The following ZNF284 variants were observed in gnomAD, a reference collection of about 807,000 sequenced individuals.
ZNF284 encodes zinc finger protein 284.
A neutral mutation model predicts 12.9 loss-of-function variants in ZNF284; 12 were observed. The observed-to-expected ratio is 0.93, with a 90% CI of 0.60 to 1.51. ZNF284 has a LOEUF of 1.51. Ranked by LOEUF, ZNF284 falls within the 40% of genes most tolerant of loss-of-function variation. The pLI, the probability that ZNF284 is intolerant of heterozygous loss-of-function variation, is 0.00. For missense variants in ZNF284, 667 were observed against 707.3 expected (o/e 0.94, Z 0.65); for synonymous variants, 225 against 236.5 (o/e 0.95, Z 0.45).
intron 2 of ZNF284, among the ~76,000 whole-genome samples, chr19:44,079,222 T>C (rs1967079333): frequency 2.6e-5 from 4 of 152,248 alleles, no homozygotes; most frequent in Admixed American, 2.6e-4. Context: ...ATCAGTTCCC[T>C]GTAATAGTAT....
rs905406308 is a variant in ZNF284 at position 44,088,668 on chromosome 19, T to C, written c.*1408T>C. 1 of 152,216 alleles carries C rather than the reference T, an allele frequency of 6.6e-6. No individual in the cohort carries two copies. The highest frequency in any genetic ancestry group is 1.5e-5 in the Non-Finnish European group (1 of 68,048). The allele number at this position is 152,216 out of a possible 1,614,324, so 9.4% of individuals were successfully genotyped here. On this transcript the variant is annotated 3_prime_UTR_variant, in exon 5 of 5. Transcript: ENST00000421176. The stretch of plus-strand genomic sequence containing the variant: ...TCAGGGCTCACATCTTCAAATTCAG[T>C]GTCTGTTCTGTAGAGAAACCTTAAT...
chr19:44,084,249 G>T (rs1967189776), intron 4 of ZNF284, among the ~76,000 whole-genome samples: 1 of 152,166 alleles, frequency 6.6e-6, no homozygotes, highest in South Asian at 2.1e-4. Context: ...CTGGGTCTTT[G>T]TCAGGTCTCC....
intron 4 of ZNF284, among the ~76,000 whole-genome samples, chr19:44,084,309 G>C (rs1599880794): frequency 3.3e-5 from 5 of 152,202 alleles, no homozygotes; most frequent in Admixed American, 3.3e-4. Context: ...GCAATCCCCA[G>C]GTCCCTCTGT....
chr19:44,083,237 C>A (rs182001363), intron 4 of ZNF284, among the ~76,000 whole-genome samples: 189 of 151,750 alleles, frequency 1.2e-3, no homozygotes, highest in African/African-American at 4.4e-3. Flanking sequence ...GAGTTTGAGA[C>A]CAGCCTGGCC....
chr19:44,087,391 T>G lies in ZNF284; in HGVS notation c.*131T>G. On this transcript the variant is annotated 3_prime_UTR_variant, in exon 5 of 5. Transcript: ENST00000421176. ...TTGTGGATCATTTATCATTTCTTTGTGCTTTGAACGTTCAAAAACTGCTGT... is the reference window on the plus strand; with the variant it reads ...TTGTGGATCATTTATCATTTCTTTGGGCTTTGAACGTTCAAAAACTGCTGT... The G allele has an allele frequency of 1.2e-6, 1 of 804,478 alleles. No individual in the cohort carries two copies. Among genetic ancestry groups the G allele is most frequent in the Non-Finnish European group, 1.8e-6 (1 of 547,880 alleles). The allele number at this position is 804,478 out of a possible 1,614,324, so 49.8% of individuals were successfully genotyped here. A position where few individuals can be genotyped will look rare whatever the true frequency, so the allele number is the denominator to read the frequency against.
At chr19:44,085,632 C>A in intron 4 of ZNF284, 82 bp from the exon 5 acceptor site, 1 of 1,246,016 alleles carries the variant, frequency 8.0e-7, no homozygotes, top group South Asian at 1.5e-5. Flanking sequence ...AGTAAAGTTT[C>A]AGGCCATGTC....
At chr19:44,077,590 A>G (rs1455489653) in intron 2 of ZNF284, among the ~76,000 whole-genome samples, 1 of 146,540 alleles carries the variant, frequency 6.8e-6, no homozygotes, top group African/African-American at 2.5e-5. Flanking sequence ...TTTAGTTTCA[A>G]ATGTCCATGA....
At chr19:44,075,644 C>T (rs188763060) in intron 1 of ZNF284, among the ~76,000 whole-genome samples, 1 of 152,228 alleles carries the variant, frequency 6.6e-6, no homozygotes, top group African/African-American at 2.4e-5. Context: ...GAAGAGTTTC[C>T]ATTTCTCCCC....
chr19:44,081,273 A>G, intron 3 of ZNF284, 132 bp downstream of exon 3: 1 of 1,190,170 alleles, frequency 8.4e-7, no homozygotes, highest in Non-Finnish European at 1.1e-6. Context: ...TAAAGAAAAG[A>G]CATTTCATTG....
chr19:44,082,339 C>T (rs1967142395), intron 4 of ZNF284, among the ~76,000 whole-genome samples: 1 of 152,172 alleles, frequency 6.6e-6, no homozygotes. Flanking sequence ...CATTCCTCAG[C>T]TTAAAAGCCT....
chr19:44,085,568 C>T (rs775281802), intron 4 of ZNF284, 146 bp from the exon 5 acceptor site: 18 of 695,486 alleles, frequency 2.6e-5, no homozygotes, highest in Non-Finnish European at 4.1e-5. Flanking sequence ...GGTTTCGTGA[C>T]AACGAGAGAC....
chr19:44,087,164 TGGA>T lies in ZNF284; in HGVS notation c.1688_1690del (p.Gly563del), dbSNP rs1967273533. On this transcript the variant is annotated inframe_deletion, in exon 5 of 5. Transcript: ENST00000421176. ...TTCAAGACCAACAAAGCGACCACAGTGGAGAAAAAACATCCAAATGTGAGGACT... is the reference window on the plus strand; with the variant it reads ...TTCAAGACCAACAAAGCGACCACAGTGAAAAAACATCCAAATGTGAGGACT... 1 of 1,613,978 alleles carries T rather than the reference TGGA, an allele frequency of 6.2e-7. No homozygotes were observed. The highest frequency in any genetic ancestry group is 1.3e-5 in the African/African-American group (1 of 75,018).
chr19:44,081,707 G>A (rs1310615956), intron 3 of ZNF284, among the ~76,000 whole-genome samples: 2 of 150,974 alleles, frequency 1.3e-5, no homozygotes, highest in East Asian at 1.9e-4. Context: ...GCGAGACTCC[G>A]TCTCAAAAAA....
rs1967269729 is a variant in ZNF284 at position 44,087,066 on chromosome 19, CAA to C, written c.1590_1591del (p.Arg531ThrfsTer11). On this transcript the variant is annotated frameshift_variant, in exon 5 of 5. Coordinates refer to ENST00000421176, the MANE Select transcript of ZNF284 (RefSeq NM_001037813.4). LOFTEE classifies it low-confidence loss of function (END_TRUNC). ...FRWASTHLTH[Q>X]RLHSREKLFQ... ...ATGGGCCTCAACTCATCTAACCCAT[CAA>C]AGACTCCACAGCAGAGAAAAACTAT... 6.2e-7 allele frequency: 1 copy of C among 1,613,920 alleles called. No homozygotes were observed. The highest frequency in any genetic ancestry group is 8.5e-7 in the Non-Finnish European group (1 of 1,180,002).
intron 1 of ZNF284, among the ~76,000 whole-genome samples, chr19:44,076,089 A>G (rs1348910205): frequency 1.3e-5 from 2 of 152,130 alleles, no homozygotes; most frequent in African/African-American, 4.8e-5. Flanking sequence ...GCATGAGTCA[A>G]TATTTCATTT....
rs559825314 is a variant in ZNF284 at position 44,083,886 on chromosome 19, G to A, written c.235+1781G>A. ...AGTGTCAGCGGTGATGGTGGCAGCA[G>A]GCTTGTAGGACCTGTCCTCAGGTCA... On this transcript the variant is annotated intron_variant, in intron 4 of 4. Transcript: ENST00000421176. Among the ~76,000 whole-genome samples the A allele has an allele frequency of 2.0e-5, 3 of 152,210 alleles. No individual in the cohort carries two copies. The South Asian group carries it at 6.2e-4, about 32-fold the overall frequency.
intron 2 of ZNF284, among the ~76,000 whole-genome samples, chr19:44,079,755 C>T (rs528291812): frequency 2.4e-4 from 36 of 150,646 alleles, no homozygotes; most frequent in Non-Finnish European, 5.2e-4. Flanking sequence ...AAAGAGAAAC[C>T]CCATCTCTAC....
At position 44,089,172 on chromosome 19, in the gene ZNF284, T is replaced by A. The variant is rs1432263893; in HGVS notation, c.*1912T>A. 1 of 151,290 alleles carries A rather than the reference T, an allele frequency of 6.6e-6. No homozygotes were observed. Among genetic ancestry groups the A allele is most frequent in the Non-Finnish European group, 1.5e-5 (1 of 67,892 alleles). The allele number at this position is 151,290 out of a possible 1,614,324, so 9.4% of individuals were successfully genotyped here. A position where few individuals can be genotyped will look rare whatever the true frequency, so the allele number is the denominator to read the frequency against. On this transcript the variant is annotated 3_prime_UTR_variant, in exon 5 of 5. Transcript: ENST00000421176. ...GTCTCTCGGTGTTGCCCAGGCTGGA[T>A]TGCTTATTCACAGATGCAGTTACAG...
At chr19:44,084,263 T>C (rs1967190069) in intron 4 of ZNF284, among the ~76,000 whole-genome samples, 1 of 152,182 alleles carries the variant, frequency 6.6e-6, no homozygotes, top group Admixed American at 6.5e-5. Context: ...GGTCTCCTGT[T>C]TGTGCACACA....
Sources: gnomAD v4.1 joint callset for allele counts (sites outside exome capture counted in the v4.1 genomes callset) on GRCh38, gnomAD v4.1.1 for gene constraint, MANE v1.5 for transcripts, NCBI Gene and HGNC (gene_info 2026-07-23, HGNC 2026-07-21) for gene names.